Variants in DGKI observed in about 807,000 individuals in gnomAD.
DGKI encodes diacylglycerol kinase iota.
A neutral mutation model predicts 147.5 loss-of-function variants in DGKI; 55 were observed. The ratio of observed to expected loss-of-function variants is 0.37; its 90% CI spans 0.30 to 0.47. DGKI has a LOEUF of 0.47. DGKI is among the 20% of genes least tolerant of loss of function. DGKI has a pLI of 1.00. For synonymous variants in DGKI, 469 were observed against 477.1 expected, an observed-to-expected ratio of 0.98 and a Z score of 0.22; for missense variants, 1,007 against 1,323.8, an observed-to-expected ratio of 0.76 and a Z score of 3.71.
At position 137,623,324 on chromosome 7, in the gene DGKI, T is replaced by C. The variant is rs137887359; in HGVS notation, c.876+159A>G. Among the ~76,000 whole-genome samples, 288 of 152,360 alleles carry C rather than the reference T, an allele frequency of 1.9e-3. 2 individuals carry two copies. Among genetic ancestry groups the C allele is most frequent in the African/African-American group, 6.6e-3 (276 of 41,590 alleles). ...CCAGCTCATCTATGCTATTGTTCTA[T>C]AGTTTCAGTCTGTCTTTCTTCCTCC... On this transcript the variant is annotated intron_variant, in intron 7 of 32. Coordinates refer to ENST00000614521, the MANE Select transcript of DGKI (RefSeq NM_001321708.2).
intron 2 of DGKI, among the ~76,000 whole-genome samples, chr7:137,682,492 G>A (rs911873415): frequency 6.6e-6 from 1 of 151,996 alleles, no homozygotes; most frequent in African/African-American, 2.4e-5. Flanking sequence ...CCAATGTTCC[G>A]CATAAAACAA....
intron 18 of DGKI, among the ~76,000 whole-genome samples, chr7:137,572,302 G>C (rs1235671334): frequency 6.6e-6 from 1 of 152,066 alleles, no homozygotes; most frequent in South Asian, 2.1e-4. Flanking sequence ...TGACATCCTG[G>C]CTAGAAAACA....
chr7:137,414,468 A>G lies in DGKI; in HGVS notation c.2762-2261T>C, dbSNP rs147970302. Among the ~76,000 whole-genome samples the G allele has an allele frequency of 5.9e-3, 902 of 152,256 alleles. 8 individuals carry two copies. Among genetic ancestry groups the G allele is most frequent in the African/African-American group, 0.021 (856 of 41,528 alleles). ...CAATTAATTGTTGAACTGACTGAAA[A>G]GAAAACAGAAAAAGAGAAGAAAAGA... On this transcript the variant is annotated intron_variant, in intron 28 of 32. Coordinates refer to ENST00000614521, the MANE Select transcript of DGKI (RefSeq NM_001321708.2).
chr7:137,478,297 C>T (rs961875759), intron 23 of DGKI, among the ~76,000 whole-genome samples: 2 of 152,112 alleles, frequency 1.3e-5, no homozygotes, highest in East Asian at 1.9e-4. Context: ...CACAATTTAC[C>T]GCGATAGTCC....
intron 1 of DGKI, among the ~76,000 whole-genome samples, chr7:137,825,206 T>C (rs1307796924): frequency 1.3e-5 from 2 of 152,172 alleles, no homozygotes; most frequent in Admixed American, 6.5e-5. Context: ...GTTAAATAAA[T>C]ATTATATTTA....
At chr7:137,585,762 T>A (rs1296609401) in intron 13 of DGKI, among the ~76,000 whole-genome samples, 1 of 152,122 alleles carries the variant, frequency 6.6e-6, no homozygotes, top group East Asian at 1.9e-4. Flanking sequence ...ACAATGCTTA[T>A]CTATTAACAC....
chr7:137,832,428 C>T (rs911287224), intron 1 of DGKI, among the ~76,000 whole-genome samples: 4 of 152,244 alleles, frequency 2.6e-5, no homozygotes. Context: ...GCAGGCTCAA[C>T]ACCATGTGGA....
intron 1 of DGKI, among the ~76,000 whole-genome samples, chr7:137,719,160 A>T (rs1282814706): frequency 6.6e-6 from 1 of 152,090 alleles, no homozygotes; most frequent in East Asian, 1.9e-4. Flanking sequence ...GAGTCTCTGA[A>T]GTCAAACATT....
Position 137,505,726 on chromosome 7 carries a change from A to G in DGKI, c.2248+16140T>C, listed in dbSNP as rs1387631191. On this transcript the variant is annotated intron_variant, in intron 21 of 32. Transcript: ENST00000614521. ...ATAAGAGATGCAAAAAAAAAAAAAAAAGACTGGTACCCAAAAAATACATAG... is the reference window on the plus strand; with the variant it reads ...ATAAGAGATGCAAAAAAAAAAAAAAGAGACTGGTACCCAAAAAATACATAG... Among the ~76,000 whole-genome samples, 6 of 151,582 alleles carry G rather than the reference A, an allele frequency of 4.0e-5. No individual in the cohort carries two copies. The East Asian group carries it at 1.2e-3, about 29-fold the overall frequency.
chr7:137,582,604 T>C (rs532060841), intron 14 of DGKI, among the ~76,000 whole-genome samples: 1 of 152,220 alleles, frequency 6.6e-6, no homozygotes, highest in East Asian at 1.9e-4. Context: ...CTTATATCTT[T>C]ATTATGACCA....
chr7:137,783,976 A>C (rs1404047723), intron 1 of DGKI, among the ~76,000 whole-genome samples: 1 of 152,232 alleles, frequency 6.6e-6, no homozygotes, highest in African/African-American at 2.4e-5. Context: ...TGCTAAAAGA[A>C]GCTCTAAATC....
chr7:137,488,053 A>C (rs534332741), intron 21 of DGKI, among the ~76,000 whole-genome samples: 2 of 152,280 alleles, frequency 1.3e-5, no homozygotes, highest in Non-Finnish European at 2.9e-5. Flanking sequence ...GCTTATGCCT[A>C]AATTTATGCT....
At chr7:137,536,459 C>T (rs1021150128) in intron 20 of DGKI, among the ~76,000 whole-genome samples, 6 of 152,062 alleles carry the variant, frequency 3.9e-5, no homozygotes, top group African/African-American at 1.2e-4. Context: ...GAACAGGGCC[C>T]GGCCCCCCTG....
intron 1 of DGKI, among the ~76,000 whole-genome samples, chr7:137,821,495 A>G (rs1225829685): frequency 1.3e-5 from 2 of 152,242 alleles, no homozygotes; most frequent in East Asian, 3.8e-4. Flanking sequence ...AATTCTGAAG[A>G]AATACACGAA....
At chr7:137,719,165 A>G (rs1343407107) in intron 1 of DGKI, among the ~76,000 whole-genome samples, 1 of 152,158 alleles carries the variant, frequency 6.6e-6, no homozygotes, top group African/African-American at 2.4e-5. Flanking sequence ...TCTGAAGTCA[A>G]ACATTCTCTG....
intron 1 of DGKI, among the ~76,000 whole-genome samples, chr7:137,767,528 A>AAGAGAAGAGAAGAGAAGAGAAGAGT (rs1563188462): frequency 2.9e-5 from 4 of 139,362 alleles, no homozygotes; most frequent in African/African-American, 5.6e-5. Flanking sequence ...AAGAGAAGAG[A>AAGAGAAGAGAAGAGAAGAGAAGAGT]AGAGTAGAGT....
intron 1 of DGKI, among the ~76,000 whole-genome samples, chr7:137,737,399 A>T (rs9784934): frequency 0.5 from 75,522 of 151,722 alleles, 21,428 homozygotes; most frequent in African/African-American, 0.78. Context: ...TATAAAGGCA[A>T]ATCTGTTCCA....
intron 1 of DGKI, among the ~76,000 whole-genome samples, chr7:137,791,916 A>G (rs550240642): frequency 6.6e-6 from 1 of 152,366 alleles, no homozygotes; most frequent in Admixed American, 6.5e-5. Flanking sequence ...AATACATTTC[A>G]GCCACATAAA....
chr7:137,625,195 C>T (rs974980979), intron 6 of DGKI, among the ~76,000 whole-genome samples: 1 of 152,088 alleles, frequency 6.6e-6, no homozygotes, highest in African/African-American at 2.4e-5. Flanking sequence ...TGTGGTGGCT[C>T]ACGCCTGTAA....
Sources: allele counts gnomAD v4.1 joint callset (sites outside exome capture counted in the v4.1 genomes callset), GRCh38; gene constraint gnomAD v4.1.1; transcripts MANE v1.5; gene names NCBI Gene and HGNC (gene_info 2026-07-23, HGNC 2026-07-21).